Variants in ASB5 observed in about 807,000 individuals in gnomAD.
The protein encoded by ASB5 is ankyrin repeat and SOCS box containing 5.
Under a neutral mutation model 42.1 loss-of-function variants are expected in ASB5, and 45 were observed. The observed-to-expected ratio is 1.07, with a 90% CI of 0.84 to 1.37. The LOEUF is 1.37. ASB5 is among the 40% of genes most tolerant of loss of function. The pLI, the probability that ASB5 is intolerant of heterozygous loss-of-function variation, is 0.00. For missense variants in ASB5, 402 were observed against 399.8 expected, an observed-to-expected ratio of 1.01 and a Z score of -0.05; for synonymous variants, 147 against 150.6, an observed-to-expected ratio of 0.98 and a Z score of 0.18.
rs558066908 is a variant in ASB5 at position 176,268,554 on chromosome 4, C to T, written c.196+359G>A. On this transcript the variant is annotated intron_variant, in intron 1 of 6. Transcript: ENST00000296525. Reference sequence around the variant, plus strand: ...TACACATTAGAGGACGACTGAAGTGCAATCAATTACTTCTAAAACTAATCT... The same window carrying T: ...TACACATTAGAGGACGACTGAAGTGTAATCAATTACTTCTAAAACTAATCT... Among the ~76,000 whole-genome samples, 472 of 152,198 alleles carry T rather than the reference C, an allele frequency of 3.1e-3. 2 individuals carry two copies. Among genetic ancestry groups the T allele is most frequent in the Middle Eastern group, 6.8e-3 (2 of 294 alleles).
chr4:176,246,779 T>C (rs1199179096), intron 1 of ASB5, among the ~76,000 whole-genome samples: 3 of 152,002 alleles, frequency 2.0e-5, no homozygotes, highest in East Asian at 1.9e-4. Context: ...TCCCTCTCAA[T>C]TGAAAAACAA....
intron 1 of ASB5, among the ~76,000 whole-genome samples, chr4:176,234,434 C>G (rs1311897252): frequency 6.6e-6 from 1 of 152,176 alleles, no homozygotes; most frequent in Non-Finnish European, 1.5e-5. Flanking sequence ...GAAATATCAC[C>G]TTATCAGAGA....
chr4:176,240,824 G>A lies in ASB5; in HGVS notation c.197-15483C>T, dbSNP rs1475508389. Among the ~76,000 whole-genome samples the A allele has an allele frequency of 2.0e-5, 3 of 152,252 alleles. No individual in the cohort carries two copies. In the East Asian group the frequency reaches 5.8e-4, roughly 29 times the overall value. On this transcript the variant is annotated intron_variant, in intron 1 of 6. Transcript: ENST00000296525. ...GTGATCCACAGATATGGATTTTTGAGGGTATATTCCTGAGTTTGGGGACTT... is the reference window on the plus strand; with the variant it reads ...GTGATCCACAGATATGGATTTTTGAAGGTATATTCCTGAGTTTGGGGACTT...
In ASB5 at chr4:176,215,494, C is replaced by T; in HGVS notation, c.*106G>A. On this transcript the variant is annotated 3_prime_UTR_variant, in exon 7 of 7. Transcript: ENST00000296525. ...ATTTTACTGCTTCCCTGGGTGATCT[C>T]ACACTCACTTTTATCCTATCTTTAG... 1 of 1,191,058 alleles carries T rather than the reference C, an allele frequency of 8.4e-7. No homozygotes were observed. Among genetic ancestry groups the T allele is most frequent in the Non-Finnish European group, 1.2e-6 (1 of 862,076 alleles). The allele number at this position is 1,191,058 out of a possible 1,614,324, so 73.8% of individuals were successfully genotyped here.
intron 1 of ASB5, among the ~76,000 whole-genome samples, chr4:176,250,119 C>T (rs998607643): frequency 1.3e-5 from 2 of 151,672 alleles, no homozygotes; most frequent in African/African-American, 4.8e-5. Context: ...GAAATATCAC[C>T]TGCAAGGCCA....
intron 1 of ASB5, among the ~76,000 whole-genome samples, chr4:176,257,801 A>C (rs1754183370): frequency 6.6e-6 from 1 of 152,180 alleles, no homozygotes; most frequent in Non-Finnish European, 1.5e-5. Flanking sequence ...GTGGAAGAGG[A>C]ATCTGGGTTG....
intron 1 of ASB5, among the ~76,000 whole-genome samples, chr4:176,252,543 A>G (rs1486682728): frequency 6.6e-6 from 1 of 152,256 alleles, no homozygotes; most frequent in Non-Finnish European, 1.5e-5. Flanking sequence ...TTCATATGGC[A>G]TACAAGCTGG....
intron 1 of ASB5, among the ~76,000 whole-genome samples, chr4:176,243,578 C>A (rs1753852567): frequency 6.6e-6 from 1 of 152,136 alleles, no homozygotes. Flanking sequence ...TCTCGGCTCA[C>A]CGCAACCTCC....
At chr4:176,239,920 A>G (rs1048874676) in intron 1 of ASB5, among the ~76,000 whole-genome samples, 7 of 152,224 alleles carry the variant, frequency 4.6e-5, no homozygotes, top group Non-Finnish European at 1.0e-4. Flanking sequence ...GAGGAAAATG[A>G]TATGGTTAAT....
chr4:176,221,010 T>C, intron 5 of ASB5, 145 bp downstream of exon 5: 1 of 1,077,028 alleles, frequency 9.3e-7, no homozygotes, highest in Non-Finnish European at 1.3e-6. Flanking sequence ...GGTTCTTTTT[T>C]ATTGGTTCTC....
rs139695748 is a variant in ASB5 at position 176,250,936 on chromosome 4, C to T, written c.196+17977G>A. Among the ~76,000 whole-genome samples, 350 of 152,140 alleles carry T rather than the reference C, an allele frequency of 2.3e-3. 2 individuals are homozygous for T. Among genetic ancestry groups the T allele is most frequent in the African/African-American group, 8.2e-3 (342 of 41,498 alleles). On this transcript the variant is annotated intron_variant, in intron 1 of 6. Transcript: ENST00000296525. ...TTTCTGGTCCTTTCATTCTTTTTAC[C>T]CACTTTGTCCACACACCGTTTTATC...
At chr4:176,236,955 A>T (rs1331689446) in intron 1 of ASB5, among the ~76,000 whole-genome samples, 4 of 152,220 alleles carry the variant, frequency 2.6e-5, no homozygotes, top group Non-Finnish European at 5.9e-5. Context: ...TACATGATTT[A>T]AAATTTCCAT....
chr4:176,222,534 C>G, intron 2 of ASB5, 114 bp from the exon 3 acceptor site: 2 of 978,388 alleles, frequency 2.0e-6, no homozygotes, highest in Admixed American at 2.5e-5. Flanking sequence ...CTCAGGCAAA[C>G]GAGTTTCCAG....
In ASB5 at chr4:176,267,757, A is replaced by G. The variant is rs112351850; in HGVS notation, c.196+1156T>C. The stretch of plus-strand genomic sequence containing the variant: ...AACATTTAAATTTTCCTCATTTTGA[A>G]TAAGAACATCAATTCCTCATGTTGC... On this transcript the variant is annotated intron_variant, in intron 1 of 6. Coordinates refer to ENST00000296525, the MANE Select transcript of ASB5 (RefSeq NM_080874.4). Among the ~76,000 whole-genome samples the G allele has an allele frequency of 7.9e-4, 120 of 152,276 alleles. 1 individual carries two copies. Among genetic ancestry groups the G allele is most frequent in the African/African-American group, 2.6e-3 (107 of 41,544 alleles).
intron 6 of ASB5, 42 bp from the exon 7 acceptor site, chr4:176,215,769 T>A (rs752289287): frequency 6.4e-7 from 1 of 1,565,348 alleles, no homozygotes; most frequent in African/African-American, 1.4e-5. Context: ...AAAATAGAAA[T>A]GAATTTTTTA....
chr4:176,226,963 T>C (rs1429985065), intron 1 of ASB5, among the ~76,000 whole-genome samples: 1 of 152,232 alleles, frequency 6.6e-6, no homozygotes, highest in Non-Finnish European at 1.5e-5. Context: ...AGCATTCTAT[T>C]GCCTGTTGCT....
intron 2 of ASB5, among the ~76,000 whole-genome samples, chr4:176,224,535 A>AAT (rs1554043226): frequency 8.1e-6 from 1 of 123,838 alleles, no homozygotes; most frequent in Non-Finnish European, 1.8e-5. Flanking sequence ...GTGCCCAGCT[A>AAT]TTTTTTTTTT....
At chr4:176,225,213 C>T in intron 2 of ASB5, 49 bp downstream of exon 2, 1 of 1,464,060 alleles carries the variant, frequency 6.8e-7, no homozygotes, top group Non-Finnish European at 9.5e-7. Context: ...TGACCATGTT[C>T]TGTGCACATG....
At chr4:176,262,249 C>A (rs575000256) in intron 1 of ASB5, among the ~76,000 whole-genome samples, 1 of 152,192 alleles carries the variant, frequency 6.6e-6, no homozygotes, top group East Asian at 1.9e-4. Context: ...ACACAAAATC[C>A]ATTTTGAAAT....
Sources: gnomAD v4.1 joint callset for allele counts (sites outside exome capture counted in the v4.1 genomes callset) on GRCh38, gnomAD v4.1.1 for gene constraint, MANE v1.5 for transcripts, NCBI Gene and HGNC (gene_info 2026-07-23, HGNC 2026-07-21) for gene names.